The following PBLD variants were observed in gnomAD, a reference collection of about 807,000 sequenced individuals.
The protein encoded by PBLD is phenazine biosynthesis like protein domain containing.
In PBLD, 26 loss-of-function variants were observed where a neutral mutation model predicts 31.3. The ratio of observed to expected loss-of-function variants is 0.83; its 90% CI spans 0.61 to 1.15. PBLD has a LOEUF of 1.15. Ranked by LOEUF, PBLD falls within the 50% of genes most tolerant of loss-of-function variation. The pLI is 0.00. For missense variants in PBLD, 307 were observed against 351.7 expected, an observed-to-expected ratio of 0.87 and a Z score of 1.02; for synonymous variants, 114 against 129.0, an observed-to-expected ratio of 0.88 and a Z score of 0.79.
intron 1 of PBLD, chr10:68,331,288 A>G (rs1409299116): frequency 6.6e-6 from 1 of 152,254 alleles, no homozygotes; most frequent in Non-Finnish European, 1.5e-5. Flanking sequence ...AAAACTATAA[A>G]AAAAACCCAA....
At chr10:68,324,663 G>A (rs894406292) in intron 1 of PBLD, among the ~76,000 whole-genome samples, 5 of 151,626 alleles carry the variant, frequency 3.3e-5, no homozygotes, top group African/African-American at 9.7e-5. Context: ...CGCCCAGACT[G>A]GAGTGCAGTG....
intron 1 of PBLD, among the ~76,000 whole-genome samples, chr10:68,322,625 C>G (rs1270836537): frequency 6.6e-6 from 1 of 150,884 alleles, no homozygotes. Flanking sequence ...GATTGTACCA[C>G]TGCACTCCAG....
At chr10:68,292,656 T>C (rs2044375411) in intron 4 of PBLD, among the ~76,000 whole-genome samples, 1 of 152,048 alleles carries the variant, frequency 6.6e-6, no homozygotes, top group African/African-American at 2.4e-5. Context: ...ATTACAGGTG[T>C]GCACCATCAC....
intron 4 of PBLD, among the ~76,000 whole-genome samples, chr10:68,293,998 A>G (rs1247143173): frequency 2.0e-5 from 3 of 152,042 alleles, no homozygotes; most frequent in Admixed American, 6.6e-5. Flanking sequence ...ACAAAAAAAC[A>G]AAAGACACTC....
chr10:68,296,752 C>T, intron 3 of PBLD, 134 bp downstream of exon 3: 1 of 747,134 alleles, frequency 1.3e-6, no homozygotes, highest in Non-Finnish European at 2.2e-6. Context: ...ACCTATAATG[C>T]CAGCACTTCG....
intron 8 of PBLD, among the ~76,000 whole-genome samples, chr10:68,286,216 T>C (rs2044286660): frequency 6.7e-6 from 1 of 148,956 alleles, no homozygotes; most frequent in Non-Finnish European, 1.5e-5. Context: ...GCCTCCTGAG[T>C]AGCTGGGATT....
intron 6 of PBLD, 50 bp downstream of exon 6, chr10:68,291,960 G>T (rs750088125): frequency 1.9e-5 from 29 of 1,507,192 alleles, no homozygotes; most frequent in Non-Finnish European, 2.6e-5. Flanking sequence ...AAATCTTTGT[G>T]TGCAAACAAT....
intron 1 of PBLD, among the ~76,000 whole-genome samples, chr10:68,319,270 G>C (rs947655861): frequency 6.6e-6 from 1 of 151,816 alleles, no homozygotes. Context: ...ACAAAGACAT[G>C]AGACATGTAG....
At chr10:68,291,914 T>C in intron 6 of PBLD, 96 bp downstream of exon 6, 1 of 1,301,444 alleles carries the variant, frequency 7.7e-7, no homozygotes, top group South Asian at 1.3e-5. Context: ...ACATTTATAT[T>C]GGTAAAATGC....
At chr10:68,326,619 C>G (rs2044924779) in intron 1 of PBLD, among the ~76,000 whole-genome samples, 2 of 152,168 alleles carry the variant, frequency 1.3e-5, no homozygotes, top group South Asian at 4.1e-4. Flanking sequence ...ATGAGTTTAG[C>G]AGGAATGAAC....
intron 6 of PBLD, among the ~76,000 whole-genome samples, chr10:68,291,286 G>T (rs899999426): frequency 6.6e-5 from 10 of 152,160 alleles, no homozygotes; most frequent in African/African-American, 2.4e-4. Context: ...CAAGTGAAAT[G>T]CTCAGCATGT....
intron 1 of PBLD, among the ~76,000 whole-genome samples, chr10:68,328,830 T>A (rs894048848): frequency 6.6e-6 from 1 of 151,618 alleles, no homozygotes; most frequent in African/African-American, 2.4e-5. Flanking sequence ...GGTAGTAAAA[T>A]AGGAAGCCAA....
At chr10:68,307,720 C>T (rs1382340454) in intron 1 of PBLD, among the ~76,000 whole-genome samples, 1 of 152,024 alleles carries the variant, frequency 6.6e-6, no homozygotes, top group Non-Finnish European at 1.5e-5. Context: ...AGGATGGTCT[C>T]GATCTCCTGA....
chr10:68,302,843 GAA>G (rs753219563), intron 2 of PBLD, among the ~76,000 whole-genome samples: 5 of 106,026 alleles, frequency 4.7e-5, no homozygotes, highest in Non-Finnish European at 3.9e-5. Context: ...CCTGTCTCTG[GAA>G]AAAAAAAAAA....
At chr10:68,286,427 C>T (rs1460671786) in intron 8 of PBLD, among the ~76,000 whole-genome samples, 1 of 151,878 alleles carries the variant, frequency 6.6e-6, no homozygotes, top group Non-Finnish European at 1.5e-5. Context: ...GAAAGTATCT[C>T]CTTCTTCCCA....
intron 1 of PBLD, chr10:68,332,136 G>C (rs184558455): frequency 6.6e-6 from 1 of 152,276 alleles, no homozygotes; most frequent in Non-Finnish European, 1.5e-5. Context: ...TGTGGCGAGC[G>C]CTACACGAGG....
At chr10:68,295,255 G>A (rs1353083968) in intron 4 of PBLD, among the ~76,000 whole-genome samples, 1 of 152,114 alleles carries the variant, frequency 6.6e-6, no homozygotes, top group South Asian at 2.1e-4. Flanking sequence ...CACTTTGGGA[G>A]GCCAAGGTGG....
intron 1 of PBLD, among the ~76,000 whole-genome samples, chr10:68,327,261 G>C (rs541382732): frequency 7.5e-4 from 114 of 152,268 alleles, no homozygotes; most frequent in African/African-American, 2.5e-3. Context: ...TTGCAAGACT[G>C]CAGTGAAAAT....
intron 1 of PBLD, among the ~76,000 whole-genome samples, chr10:68,329,548 G>T (rs1227886265): frequency 6.6e-6 from 1 of 152,122 alleles, no homozygotes; most frequent in Non-Finnish European, 1.5e-5. Context: ...AACCCAGGAG[G>T]ACCAAGGGAA....
Sources: gnomAD v4.1 joint callset for allele counts (sites outside exome capture counted in the v4.1 genomes callset) on GRCh38, gnomAD v4.1.1 for gene constraint, MANE v1.5 for transcripts, NCBI Gene and HGNC (gene_info 2026-07-23, HGNC 2026-07-21) for gene names.